Variants in ARID2 observed in about 807,000 individuals in gnomAD.
The protein encoded by ARID2 is AT-rich interaction domain 2.
In ARID2, 32 loss-of-function variants were observed where a neutral mutation model predicts 184.6. The observed-to-expected ratio is 0.17, with a 90% CI of 0.13 to 0.23. The LOEUF (loss-of-function observed/expected upper bound fraction) is 0.23, where lower values mean the gene tolerates loss of function less well. Ranked by LOEUF, ARID2 falls within the 10% of genes least tolerant of loss-of-function variation. The pLI is 1.00. For synonymous variants in ARID2, 836 were observed against 772.6 expected (o/e 1.08, Z -1.36); for missense variants, 1,696 against 2,197.6 (o/e 0.77, Z 4.56).
At position 45,852,517 on chromosome 12, in the gene ARID2, C is replaced by T. The variant is rs2138179374; in HGVS notation, c.4394C>T (p.Pro1465Leu). Residue 1465 changes from proline to leucine, a missense_variant, in exon 15 of 21, where the codon CCA (proline) becomes CTA (leucine). Physicochemically the swap from Pro to Leu is moderately conservative, Grantham distance 98. Transcript: ENST00000334344. ...AATTCAGATGTGCCTCAGCAACGCC[C>T]AAGTGTAGTTGTCTCACCACATTCT... ...SLNSDVPQQR[P>L]SVVVSPHSTT... The T allele has an allele frequency of 6.2e-7, 1 of 1,614,162 alleles. No homozygotes were observed. The highest frequency in any genetic ancestry group is 2.2e-5 in the East Asian group (1 of 44,884).
chr12:45,753,594 T>A (rs76296392), intron 3 of ARID2, among the ~76,000 whole-genome samples: 1,950 of 152,272 alleles, frequency 0.013, 15 homozygotes, highest in Non-Finnish European at 0.019. Context: ...ATCTAAAACA[T>A]AATCCAGGTT....
rs376473712 is a variant in ARID2, at chr12:45,817,914, A to G, written c.637+26A>G. ...GTAAGTTTTAAGCTGAATGTATTAT[A>G]TAATTCTTCTGTAAAAGTTTTTTTT... On this transcript the variant is annotated intron_variant, in intron 5 of 20. Coordinates refer to ENST00000334344, the MANE Select transcript of ARID2 (RefSeq NM_152641.4). 113 of 1,554,066 alleles carry G rather than the reference A, an allele frequency of 7.3e-5. 1 individual carries two copies. The highest frequency in any genetic ancestry group is 9.4e-5 in the Non-Finnish European group (108 of 1,153,424).
chr12:45,736,873 ACTTCT>A (rs1372645332), intron 3 of ARID2, among the ~76,000 whole-genome samples: 1 of 152,164 alleles, frequency 6.6e-6, no homozygotes, highest in Non-Finnish European at 1.5e-5. Flanking sequence ...AAACATTACT[ACTTCT>A]CTTCCCTTCC....
At chr12:45,876,641 CA>C (rs1166114897) in intron 16 of ARID2, among the ~76,000 whole-genome samples, 1 of 149,832 alleles carries the variant, frequency 6.7e-6, no homozygotes, top group Non-Finnish European at 1.5e-5. Context: ...TCACTGATCA[CA>C]GATCACTATA....
chr12:45,904,432 CCT>C, intron 20 of ARID2: 1 of 678,254 alleles, frequency 1.5e-6, no homozygotes, highest in East Asian at 2.8e-5. Flanking sequence ...GTGGCTCACG[CCT>C]GTAATCCCAG....
chr12:45,882,361 A>G (rs926170488), intron 16 of ARID2: 4 of 152,196 alleles, frequency 2.6e-5, no homozygotes, highest in Non-Finnish European at 5.9e-5. Flanking sequence ...GAACTGGCTA[A>G]AGTACGAATA....
At chr12:45,888,915 T>A (rs931460656) in intron 16 of ARID2, among the ~76,000 whole-genome samples, 2 of 152,144 alleles carry the variant, frequency 1.3e-5, no homozygotes, top group Non-Finnish European at 2.9e-5. Context: ...GGGCTGGGCT[T>A]GGTGGCCCAC....
chr12:45,883,872 GAGCAA>G (rs1443995509), intron 16 of ARID2, among the ~76,000 whole-genome samples: 2 of 152,082 alleles, frequency 1.3e-5, no homozygotes, highest in African/African-American at 4.8e-5. Context: ...AGTAAGTTCT[GAGCAA>G]ACAGAAGTTC....
intron 20 of ARID2, among the ~76,000 whole-genome samples, chr12:45,898,214 G>A (rs1944395449): frequency 6.6e-6 from 1 of 152,154 alleles, no homozygotes; most frequent in African/African-American, 2.4e-5. Context: ...TCACTTATGA[G>A]ATACCTAGAA....
intron 3 of ARID2, among the ~76,000 whole-genome samples, chr12:45,790,068 C>T (rs892790422): frequency 1.3e-5 from 2 of 152,164 alleles, no homozygotes; most frequent in African/African-American, 4.8e-5. Context: ...TGGAACCTTC[C>T]TCTATACTTA....
At chr12:45,771,356 CAAAA>C (rs57398188) in intron 3 of ARID2, among the ~76,000 whole-genome samples, 1 of 66,464 alleles carries the variant, frequency 1.5e-5, no homozygotes. Flanking sequence ...GAGTCCATGT[CAAAA>C]AAAAAAAAAA....
chr12:45,877,927 G>T (rs986138595), intron 16 of ARID2, among the ~76,000 whole-genome samples: 2 of 152,124 alleles, frequency 1.3e-5, no homozygotes, highest in African/African-American at 4.8e-5. Context: ...GGTGCATATG[G>T]CCTCAGTTTT....
At chr12:45,870,205 G>C (rs1943901130) in intron 16 of ARID2, among the ~76,000 whole-genome samples, 1 of 151,976 alleles carries the variant, frequency 6.6e-6, no homozygotes, top group Admixed American at 6.6e-5. Context: ...AGCCAGGATG[G>C]TCTCGATCTC....
chr12:45,790,249 A>G (rs542767271), intron 3 of ARID2, among the ~76,000 whole-genome samples: 2 of 152,218 alleles, frequency 1.3e-5, no homozygotes, highest in African/African-American at 4.8e-5. Context: ...GCTTAAAAAT[A>G]CCTTATGTTT....
At chr12:45,795,269 A>G (rs1427777795) in intron 3 of ARID2, among the ~76,000 whole-genome samples, 1 of 152,058 alleles carries the variant, frequency 6.6e-6, no homozygotes, top group Non-Finnish European at 1.5e-5. Context: ...TACCCATTGT[A>G]CAATCACCTC....
intron 3 of ARID2, among the ~76,000 whole-genome samples, chr12:45,734,745 T>A (rs959562045): frequency 2.0e-5 from 3 of 152,224 alleles, no homozygotes; most frequent in Non-Finnish European, 4.4e-5. Flanking sequence ...TTTTTTGTTC[T>A]GTTTTGTTGT....
At chr12:45,833,051 TA>T (rs1287193873) in intron 6 of ARID2, among the ~76,000 whole-genome samples, 7 of 152,342 alleles carry the variant, frequency 4.6e-5, no homozygotes, top group Admixed American at 2.0e-4. Context: ...TCAGTATTTT[TA>T]GACCTTTTTT....
intron 3 of ARID2, among the ~76,000 whole-genome samples, chr12:45,780,792 G>A (rs1057158594): frequency 6.6e-6 from 1 of 151,804 alleles, no homozygotes; most frequent in African/African-American, 2.4e-5. Context: ...CTAATTTTTT[G>A]TATTTTTAGT....
intron 3 of ARID2, among the ~76,000 whole-genome samples, chr12:45,763,773 G>A (rs1941722969): frequency 6.6e-6 from 1 of 152,198 alleles, no homozygotes; most frequent in Non-Finnish European, 1.5e-5. Context: ...TTACAGGTGT[G>A]AGCCACTGTG....
Sources: allele counts gnomAD v4.1 joint callset (sites outside exome capture counted in the v4.1 genomes callset), GRCh38; gene constraint gnomAD v4.1.1; transcripts MANE v1.5; gene names NCBI Gene and HGNC (gene_info 2026-07-23, HGNC 2026-07-21).